Variants in CYFIP1 observed in about 807,000 individuals in gnomAD.
CYFIP1 encodes the protein cytoplasmic FMR1 interacting protein 1.
Under a neutral mutation model 163.5 loss-of-function variants are expected in CYFIP1, and 58 were observed. The ratio of observed to expected loss-of-function variants is 0.35; its 90% CI spans 0.29 to 0.44. The LOEUF is 0.44. Among genes scored for constraint, CYFIP1 ranks in the 20% least tolerant of loss-of-function variants. CYFIP1 has a pLI of 1.00. For synonymous variants in CYFIP1, 663 were observed against 660.7 expected (o/e 1.00, Z -0.05); for missense variants, 1,338 against 1,653.8 (o/e 0.81, Z 3.31).
chr15:22,916,339 C>T (rs1056668717), intron 16 of CYFIP1, 138 bp downstream of exon 16: 4 of 682,190 alleles, frequency 5.9e-6, no homozygotes, highest in African/African-American at 3.6e-5. Context: ...CAGCCACCGC[C>T]ACAGAGGGCA....
chr15:22,879,373 G>A (rs1028891213), intron 26 of CYFIP1, among the ~76,000 whole-genome samples: 4 of 152,238 alleles, frequency 2.6e-5, no homozygotes, highest in South Asian at 2.1e-4. Context: ...ACAAAAAGGC[G>A]GCCAGTCGAA....
chr15:22,941,789 A>C (rs2061900673), intron 6 of CYFIP1, among the ~76,000 whole-genome samples: 1 of 152,142 alleles, frequency 6.6e-6, no homozygotes. Flanking sequence ...GCTTTAGAAT[A>C]AAGGTGCTAG....
chr15:22,957,104 C>T lies in CYFIP1; in HGVS notation c.-6-9813G>A, dbSNP rs1223624727. Among the ~76,000 whole-genome samples the T allele has an allele frequency of 4.6e-5, 7 of 152,290 alleles. No homozygotes were observed. In the South Asian group the frequency reaches 8.3e-4, roughly 18 times the overall value. ...GGCGGCAGTGCTGTGGCAGGCGGCA[C>T]GCCGACGCTAACTCCCGCCACTGCA... On this transcript the variant is annotated intron_variant, in intron 1 of 30. Coordinates refer to ENST00000617928, the MANE Select transcript of CYFIP1 (RefSeq NM_014608.6).
chr15:22,891,993 G>A (rs952584796), intron 23 of CYFIP1, among the ~76,000 whole-genome samples: 2 of 152,240 alleles, frequency 1.3e-5, no homozygotes, highest in Non-Finnish European at 2.9e-5. Context: ...CTTCCTACAA[G>A]CGAGGACACT....
chr15:22,956,850 C>A (rs1272347539), intron 1 of CYFIP1, among the ~76,000 whole-genome samples: 2 of 152,248 alleles, frequency 1.3e-5, no homozygotes, highest in Admixed American at 1.3e-4. Flanking sequence ...CTCCAGCCAG[C>A]CCCTGGCCAC....
Position 22,932,216 on chromosome 15 carries a change from G to C in CYFIP1, c.1110+7C>G. 1 of 1,605,280 alleles carries C rather than the reference G, an allele frequency of 6.2e-7. No individual in the cohort carries two copies. Among genetic ancestry groups the C allele is most frequent in the Non-Finnish European group, 8.5e-7 (1 of 1,175,070 alleles). On this transcript the variant is annotated splice_region_variant and intron_variant, in intron 11 of 30. Transcript: ENST00000617928. ...GTGCCTGTGCAGCTCCAGGTCGCGG[G>C]GCGCACCTCGCTGTTGCTGTAGCGC... is the stretch of plus-strand genomic sequence containing the variant.
chr15:22,933,775 A>C, intron 10 of CYFIP1, 27 bp downstream of exon 10: 7 of 1,569,800 alleles, frequency 4.5e-6, no homozygotes, highest in Non-Finnish European at 6.1e-6. Flanking sequence ...CGAAAGCTCA[A>C]ACCAGGCAGC....
chr15:22,956,861 G>T (rs1403450964), intron 1 of CYFIP1, among the ~76,000 whole-genome samples: 1 of 152,242 alleles, frequency 6.6e-6, no homozygotes, highest in Non-Finnish European at 1.5e-5. Context: ...CCCTGGCCAC[G>T]GAGGGACCTT....
intron 1 of CYFIP1, among the ~76,000 whole-genome samples, chr15:22,971,259 C>A (rs571301457): frequency 6.6e-6 from 1 of 152,154 alleles, no homozygotes; most frequent in Non-Finnish European, 1.5e-5. Context: ...AATTAATAGA[C>A]CAGGTGCTGT....
intron 23 of CYFIP1, among the ~76,000 whole-genome samples, chr15:22,883,380 T>G (rs2059825729): frequency 6.6e-6 from 1 of 152,176 alleles, no homozygotes. Flanking sequence ...GGGAGCTGCC[T>G]TCTCAGGATG....
chr15:22,886,598 C>T (rs1317702438), intron 23 of CYFIP1, among the ~76,000 whole-genome samples: 1 of 152,036 alleles, frequency 6.6e-6, no homozygotes, highest in Non-Finnish European at 1.5e-5. Context: ...TTCTGGTTAT[C>T]TTTTTATTAT....
intron 11 of CYFIP1, among the ~76,000 whole-genome samples, chr15:22,929,155 G>A (rs1030669071): frequency 6.7e-6 from 1 of 150,342 alleles, no homozygotes; most frequent in African/African-American, 2.5e-5. Context: ...AGGAGGCGAA[G>A]ATTGCAGTGA....
At position 22,951,435 on chromosome 15, in the gene CYFIP1, G is replaced by C. The variant is rs1299586467; in HGVS notation, c.-6-4144C>G. On this transcript the variant is annotated intron_variant, in intron 1 of 30. Transcript: ENST00000617928. ...CGCTGCCTGCAGAGCCAGCATGGGG[G>C]GCCTGCCCTTGGTGTCCACGCAGGC... is the stretch of plus-strand genomic sequence containing the variant. 5.4e-6 allele frequency: 7 copies of C among 1,289,540 alleles called. No homozygotes were observed. The Admixed American group carries it at 1.6e-4, about 30-fold the overall frequency. The allele number at this position is 1,289,540 out of a possible 1,614,324, so 79.9% of individuals were successfully genotyped here.
At chr15:22,930,977 C>A (rs80134002) in intron 11 of CYFIP1, among the ~76,000 whole-genome samples, 5,869 of 152,274 alleles carry the variant, frequency 0.039, 369 homozygotes, top group African/African-American at 0.13. Context: ...CCAGGACAGC[C>A]TCCTTGTCTG....
chr15:22,946,320 A>G (rs188208127), intron 3 of CYFIP1, among the ~76,000 whole-genome samples: 1 of 151,628 alleles, frequency 6.6e-6, no homozygotes, highest in Non-Finnish European at 1.5e-5. Flanking sequence ...AAAAAGAAAG[A>G]AAGAAAACCT....
chr15:22,971,120 A>C (rs1270943344), intron 1 of CYFIP1, among the ~76,000 whole-genome samples: 2 of 152,184 alleles, frequency 1.3e-5, no homozygotes, highest in Non-Finnish European at 2.9e-5. Context: ...GTTAATTCAA[A>C]ACAGATCAAC....
chr15:22,890,080 T>C (rs1290932742), intron 23 of CYFIP1, among the ~76,000 whole-genome samples: 1 of 151,538 alleles, frequency 6.6e-6, no homozygotes, highest in Non-Finnish European at 1.5e-5. Flanking sequence ...GGTGGGCGGA[T>C]CATTTGAGGT....
intron 1 of CYFIP1, among the ~76,000 whole-genome samples, chr15:22,951,800 G>GA (rs2062257887): frequency 6.6e-6 from 1 of 152,220 alleles, no homozygotes; most frequent in African/African-American, 2.4e-5. Context: ...GGAAGGTGGG[G>GA]AGGGGCGCCA....
chr15:22,917,997 C>T lies in CYFIP1; in HGVS notation c.1527-62G>A. 5 of 1,557,606 alleles carry T rather than the reference C, an allele frequency of 3.2e-6. No homozygotes were observed. Among genetic ancestry groups the T allele is most frequent in the Non-Finnish European group, 4.4e-6 (5 of 1,146,996 alleles). On this transcript the variant is annotated intron_variant, in intron 14 of 30. Transcript: ENST00000617928. This position sits in a 1 kb window ranked among gnomAD's most constrained non-coding sequence, Gnocchi z 4.2. ...GCCGAGACCTCCAGCCTCACAATCACACCATCTCCTCACCCAACTACAAGG... is the reference window on the plus strand; with the variant it reads ...GCCGAGACCTCCAGCCTCACAATCATACCATCTCCTCACCCAACTACAAGG...
Sources: gnomAD v4.1 joint callset for allele counts (sites outside exome capture counted in the v4.1 genomes callset) on GRCh38, gnomAD v4.1.1 for gene constraint, Gnocchi (gnomAD v3.1) non-coding constraint, MANE v1.5 for transcripts, NCBI Gene and HGNC (gene_info 2026-07-23, HGNC 2026-07-21) for gene names.